Variants in NUBPL observed in about 807,000 individuals in gnomAD.
NUBPL encodes the protein iron-sulfur cluster transfer protein NUBPL.
In NUBPL, 31 loss-of-function variants were observed where a neutral mutation model predicts 45.7. The observed-to-expected ratio is 0.68, with a 90% CI of 0.51 to 0.92. The LOEUF (loss-of-function observed/expected upper bound fraction) is 0.92. NUBPL is among the 40% of genes least tolerant of loss of function. The pLI is 0.00. For synonymous variants in NUBPL, 144 were observed against 140.9 expected (o/e 1.02, Z -0.15); for missense variants, 401 against 398.7 (o/e 1.01, Z -0.05).
chr14:31,631,944 T>A (rs979934868), intron 4 of NUBPL, among the ~76,000 whole-genome samples: 2 of 152,064 alleles, frequency 1.3e-5, no homozygotes, highest in African/African-American at 4.8e-5. Context: ...CAAAGTGACA[T>A]AAAAATTAAT....
chr14:31,590,396 G>A (rs2034111418), intron 3 of NUBPL, among the ~76,000 whole-genome samples: 3 of 151,864 alleles, frequency 2.0e-5, no homozygotes, highest in African/African-American at 4.8e-5. Flanking sequence ...AATTCTCAGC[G>A]GAGCAGTGTT....
intron 4 of NUBPL, among the ~76,000 whole-genome samples, chr14:31,641,533 T>C (rs1321840755): frequency 1.3e-5 from 2 of 152,238 alleles, no homozygotes; most frequent in Admixed American, 6.5e-5. Context: ...GGCTGATTAA[T>C]ATTCCATTGT....
intron 4 of NUBPL, among the ~76,000 whole-genome samples, chr14:31,659,465 G>T (rs1004573456): frequency 6.6e-6 from 1 of 152,204 alleles, no homozygotes; most frequent in Non-Finnish European, 1.5e-5. Flanking sequence ...GGAAATGGTT[G>T]TGTATGGGTT....
rs552748762 is a variant in NUBPL at position 31,709,237 on chromosome 14, CAG to C, written c.513+35664_513+35665del. Among the ~76,000 whole-genome samples the C allele has an allele frequency of 8.5e-3, 1,297 of 152,282 alleles. 19 individuals are homozygous for C. The highest frequency in any genetic ancestry group is 0.03 in the African/African-American group (1,239 of 41,556). On this transcript the variant is annotated intron_variant, in intron 6 of 10. Coordinates refer to ENST00000281081, the MANE Select transcript of NUBPL (RefSeq NM_025152.3). ...ATTGACCCTCAAGTGATTTGGTTGA[CAG>C]GGGAGTATATTTTCTTAAGGCCTCC...
At chr14:31,727,596 A>G (rs955250942) in intron 6 of NUBPL, among the ~76,000 whole-genome samples, 1 of 152,232 alleles carries the variant, frequency 6.6e-6, no homozygotes, top group Non-Finnish European at 1.5e-5. Flanking sequence ...GTGTAGAAGT[A>G]TGATCATCTC....
intron 7 of NUBPL, among the ~76,000 whole-genome samples, chr14:31,805,501 A>T (rs2039667859): frequency 6.6e-6 from 1 of 152,240 alleles, no homozygotes; most frequent in Non-Finnish European, 1.5e-5. Context: ...AATAGCAAAG[A>T]TATGGAATCA....
chr14:31,805,182 TAGAGAAATGCAAATCAAA>T (rs2138878924), intron 7 of NUBPL, among the ~76,000 whole-genome samples: 1 of 152,230 alleles, frequency 6.6e-6, no homozygotes, highest in South Asian at 2.1e-4. Context: ...CACTGATCAC[TAGAGAAATGCAAATCAAA>T]ACCACAATGA....
chr14:31,848,405 T>A (rs2040486506), intron 9 of NUBPL, among the ~76,000 whole-genome samples: 1 of 152,214 alleles, frequency 6.6e-6, no homozygotes, highest in Non-Finnish European at 1.5e-5. Flanking sequence ...GAACCCTTAT[T>A]TGTCCTTTAC....
chr14:31,850,080 C>A, intron 9 of NUBPL, 39 bp from the exon 10 acceptor site: 1 of 1,519,856 alleles, frequency 6.6e-7, no homozygotes, highest in Non-Finnish European at 9.1e-7. Context: ...CCTATATGAA[C>A]TTTTCTGGTT....
chr14:31,798,303 G>GTTTTTTTTTTTTTTTT (rs71115031), intron 7 of NUBPL, among the ~76,000 whole-genome samples: 2 of 107,284 alleles, frequency 1.9e-5, no homozygotes, highest in Admixed American at 1.0e-4. Flanking sequence ...TTTATTTATG[G>GTTTTTTTTTTTTTTTT]TTTTTTTTTT....
At chr14:31,683,761 C>A (rs912807115) in intron 6 of NUBPL, among the ~76,000 whole-genome samples, 2 of 150,616 alleles carry the variant, frequency 1.3e-5, no homozygotes, top group African/African-American at 2.4e-5. Flanking sequence ...TAAAAATCTT[C>A]ATTTTTTTTC....
chr14:31,645,681 A>G (rs986869996), intron 4 of NUBPL, among the ~76,000 whole-genome samples: 3 of 152,118 alleles, frequency 2.0e-5, no homozygotes, highest in African/African-American at 7.2e-5. Flanking sequence ...AAAAAACATA[A>G]CAAGCTATTT....
intron 6 of NUBPL, among the ~76,000 whole-genome samples, chr14:31,735,517 C>T (rs944082869): frequency 6.6e-6 from 1 of 152,180 alleles, no homozygotes; most frequent in Non-Finnish European, 1.5e-5. Flanking sequence ...TGTTTCCCAC[C>T]GTTTTATTAA....
intron 4 of NUBPL, among the ~76,000 whole-genome samples, chr14:31,621,826 C>T (rs1420050881): frequency 2.6e-5 from 4 of 152,142 alleles, no homozygotes; most frequent in East Asian, 3.8e-4. Flanking sequence ...TGGACTAATA[C>T]AGGAAATTGG....
intron 6 of NUBPL, among the ~76,000 whole-genome samples, chr14:31,724,076 T>G (rs2037868564): frequency 6.6e-6 from 1 of 152,216 alleles, no homozygotes; most frequent in African/African-American, 2.4e-5. Flanking sequence ...TCTAGGGGTT[T>G]CTCACAAATG....
chr14:31,841,573 A>G (rs1043838069), intron 8 of NUBPL, among the ~76,000 whole-genome samples: 20 of 152,088 alleles, frequency 1.3e-4, no homozygotes, highest in Admixed American at 1.2e-3. Context: ...CTCCCACTCT[A>G]TAGCTTGCCC....
At chr14:31,699,844 T>C (rs2037293492) in intron 6 of NUBPL, among the ~76,000 whole-genome samples, 1 of 152,234 alleles carries the variant, frequency 6.6e-6, no homozygotes, top group Non-Finnish European at 1.5e-5. Flanking sequence ...AGAAGTTTGA[T>C]ACTCTTCTAT....
intron 6 of NUBPL, among the ~76,000 whole-genome samples, chr14:31,742,756 A>ACC (rs986022035): frequency 5.5e-5 from 8 of 144,866 alleles, no homozygotes; most frequent in Admixed American, 2.8e-4. Flanking sequence ...GGTGTGTGCC[A>ACC]CCAACCCAGC....
At chr14:31,654,169 T>C (rs2036083459) in intron 4 of NUBPL, 1 of 451,120 alleles carries the variant, frequency 2.2e-6, no homozygotes, top group Non-Finnish European at 4.4e-6. Context: ...TCCCATTGCA[T>C]ATAAAAGTTA....
Sources: allele counts gnomAD v4.1 joint callset (sites outside exome capture counted in the v4.1 genomes callset), GRCh38; gene constraint gnomAD v4.1.1; transcripts MANE v1.5; gene names NCBI Gene and HGNC (gene_info 2026-07-23, HGNC 2026-07-21).